The following PRDM16 variants were observed in gnomAD, a reference collection of about 807,000 sequenced individuals.
PRDM16 encodes the protein histone-lysine N-methyltransferase PRDM16.
A neutral mutation model predicts 110.6 loss-of-function variants in PRDM16; 23 were observed. The observed-to-expected ratio is 0.21, with a 90% CI of 0.15 to 0.29. The LOEUF is 0.29. Ranked by LOEUF, PRDM16 falls within the 10% of genes least tolerant of loss-of-function variation. The pLI is 1.00. For synonymous variants in PRDM16, 799 were observed against 781.8 expected (o/e 1.02, Z -0.37); for missense variants, 1,615 against 1,794.3 (o/e 0.90, Z 1.81).
chr1:3,331,652 T>G (rs1359409839), intron 3 of PRDM16, among the ~76,000 whole-genome samples: 1 of 152,176 alleles, frequency 6.6e-6, no homozygotes, highest in Non-Finnish European at 1.5e-5. Flanking sequence ...GGAATCCTGG[T>G]GCCCAGGGCC....
chr1:3,228,032 C>A (rs558390062), intron 2 of PRDM16, among the ~76,000 whole-genome samples: 2 of 152,358 alleles, frequency 1.3e-5, no homozygotes, highest in African/African-American at 4.8e-5. Context: ...TTGTTCCGCT[C>A]CGGGAAAGCG....
At chr1:3,298,602 G>A (rs1456065040) in intron 3 of PRDM16, among the ~76,000 whole-genome samples, 1 of 152,190 alleles carries the variant, frequency 6.6e-6, no homozygotes, top group African/African-American at 2.4e-5. Flanking sequence ...TGGTTGTGTG[G>A]TTCCCAATTC....
intron 4 of PRDM16, among the ~76,000 whole-genome samples, chr1:3,393,095 T>C (rs546626712): frequency 1.1e-4 from 17 of 152,322 alleles, no homozygotes; most frequent in East Asian, 5.8e-4. Flanking sequence ...AGACATTTAT[T>C]GGCGCTAGTA....
chr1:3,169,370 AT>A (rs1348863750), intron 1 of PRDM16, among the ~76,000 whole-genome samples: 3 of 152,104 alleles, frequency 2.0e-5, no homozygotes, highest in Non-Finnish European at 2.9e-5. Flanking sequence ...TACGGTTGCC[AT>A]GGGAGCCCCG....
At position 3,407,243 on chromosome 1, in the gene PRDM16, G is replaced by A. The variant is rs949343860; in HGVS notation, c.1186+1595G>A. On this transcript the variant is annotated intron_variant, in intron 8 of 16. Coordinates refer to ENST00000270722, the MANE Select transcript of PRDM16 (RefSeq NM_022114.4). ...CCCTGTCAGCACCTGGGCTGTGCCCGTCCCACCCACCTCCCAAGCCCCAGC... is the reference window on the plus strand; with the variant it reads ...CCCTGTCAGCACCTGGGCTGTGCCCATCCCACCCACCTCCCAAGCCCCAGC... Among the ~76,000 whole-genome samples, 4 of 152,170 alleles carry A rather than the reference G, an allele frequency of 2.6e-5. No homozygotes were observed. The East Asian group carries it at 7.7e-4, about 29-fold the overall frequency.
intron 1 of PRDM16, among the ~76,000 whole-genome samples, chr1:3,086,751 C>T (rs1324922780): frequency 2.0e-5 from 3 of 152,284 alleles, no homozygotes; most frequent in East Asian, 3.9e-4. Context: ...TTCTTGGCGT[C>T]GTCTGCCGGG....
rs1375108274 is a variant in PRDM16, at chr1:3,359,439, G to A, written c.439-25713G>A. Among the ~76,000 whole-genome samples the A allele has an allele frequency of 6.6e-6, 1 of 151,998 alleles. No homozygotes were observed. The highest frequency in any genetic ancestry group is 2.4e-5 in the African/African-American group (1 of 41,390). ...ATGGAACACATTGGAAGCCCTTGTC[G>A]GGTGCCACCTTCTAAGTAAACACAC... On this transcript the variant is annotated intron_variant, in intron 3 of 16. Transcript: ENST00000270722. The surrounding 1 kb of genome is among the most constrained non-coding windows in gnomAD (Gnocchi z 4.3).
At chr1:3,415,260 G>A (rs1643759535) in intron 10 of PRDM16, among the ~76,000 whole-genome samples, 1 of 152,232 alleles carries the variant, frequency 6.6e-6, no homozygotes, top group Non-Finnish European at 1.5e-5. Flanking sequence ...GCATGGCCAG[G>A]GCAGAGTCTT....
At chr1:3,205,869 G>A (rs1283411253) in intron 2 of PRDM16, 1 of 152,204 alleles carries the variant, frequency 6.6e-6, no homozygotes, top group Non-Finnish European at 1.5e-5. Flanking sequence ...TGAAGCCGGT[G>A]CAGCGGCATG....
At position 3,201,206 on chromosome 1, in the gene PRDM16, C is replaced by T. The variant is rs1365095966; in HGVS notation, c.387+14732C>T. On this transcript the variant is annotated intron_variant, in intron 2 of 16. Transcript: ENST00000270722. This position sits in a 1 kb window ranked among gnomAD's most constrained non-coding sequence, Gnocchi z 4.1. ...GGTCTGGGCTGCATTTTGATAAAAG[C>T]CTTCAAACTCCATTCATATGATCAT... is the stretch of plus-strand genomic sequence containing the variant. Among the ~76,000 whole-genome samples, 1 of 152,156 alleles carries T rather than the reference C, an allele frequency of 6.6e-6. No homozygotes were observed. Among genetic ancestry groups the T allele is most frequent in the Non-Finnish European group, 1.5e-5 (1 of 68,024 alleles).
At chr1:3,115,978 G>GGACTCCCAGGCGGC (rs1553127705) in intron 1 of PRDM16, among the ~76,000 whole-genome samples, 1 of 152,092 alleles carries the variant, frequency 6.6e-6, no homozygotes, top group African/African-American at 2.4e-5. Flanking sequence ...CCTCCCGGGA[G>GGACTCCCAGGCGGC]GACTCCCAGG....
chr1:3,138,268 A>G (rs140222507), intron 1 of PRDM16, among the ~76,000 whole-genome samples: 3 of 152,320 alleles, frequency 2.0e-5, no homozygotes, highest in South Asian at 2.1e-4. Flanking sequence ...ATCTTCTTCA[A>G]GTTCAACAAT....
intron 3 of PRDM16, among the ~76,000 whole-genome samples, chr1:3,303,386 A>G (rs6670328): frequency 0.31 from 46,608 of 151,990 alleles, 9,233 homozygotes; most frequent in African/African-American, 0.57. Flanking sequence ...GCCACGGTGA[A>G]CACGCGTCAG....
intron 1 of PRDM16, among the ~76,000 whole-genome samples, chr1:3,082,221 G>A (rs1642046333): frequency 6.6e-6 from 1 of 152,314 alleles, no homozygotes; most frequent in South Asian, 2.1e-4. Flanking sequence ...GCCCTCTGCA[G>A]TCAGGTCCTG....
intron 3 of PRDM16, among the ~76,000 whole-genome samples, chr1:3,366,257 C>T (rs770193677): frequency 3.9e-5 from 6 of 152,250 alleles, no homozygotes; most frequent in Non-Finnish European, 7.3e-5. Flanking sequence ...GGCGGCCGCT[C>T]GCAGACTAGA....
At position 3,322,665 on chromosome 1, in the gene PRDM16, G is replaced by A. The variant is rs74519921; in HGVS notation, c.439-62487G>A. On this transcript the variant is annotated intron_variant, in intron 3 of 16. Coordinates refer to ENST00000270722, the MANE Select transcript of PRDM16 (RefSeq NM_022114.4). ...CAGCCTCCAGTCCACAGGCCATGCT[G>A]GGGTCCTTAGAGCTGCTTCTCCCCC... Among the ~76,000 whole-genome samples, 865 of 152,296 alleles carry A rather than the reference G, an allele frequency of 5.7e-3. 9 individuals carry two copies. Among genetic ancestry groups the A allele is most frequent in the African/African-American group, 0.019 (805 of 41,560 alleles).
At chr1:3,257,078 C>T (rs570114217) in intron 3 of PRDM16, among the ~76,000 whole-genome samples, 25 of 152,098 alleles carry the variant, frequency 1.6e-4, no homozygotes, top group Non-Finnish European at 2.9e-4. Context: ...AAGTGACGCA[C>T]GTAGGGCTGT....
chr1:3,385,241 C>T lies in PRDM16; in HGVS notation c.528C>T (p.Cys176=). ...GSWLKYIRVA[C]SCDDQNLTMC... is the part of the protein sequence containing the mutation. ...GGCTCAAGTACATCCGTGTGGCGTG[C>T]TCCTGCGATGACCAGAACCTCACCA... The change falls in exon 4 of 17, where the codon TGC becomes TGT. Residue 176 remains cysteine, a synonymous_variant. Transcript: ENST00000270722. 3 of 1,613,720 alleles carry T rather than the reference C, an allele frequency of 1.9e-6. No individual in the cohort carries two copies. The highest frequency in any genetic ancestry group is 2.5e-6 in the Non-Finnish European group (3 of 1,179,994).
At chr1:3,316,924 A>G (rs547666694) in intron 3 of PRDM16, among the ~76,000 whole-genome samples, 90 of 152,310 alleles carry the variant, frequency 5.9e-4, no homozygotes, top group African/African-American at 2.1e-3. Flanking sequence ...GCTAAGAAGC[A>G]TTGACAGGAG....
Sources: allele counts gnomAD v4.1 joint callset (sites outside exome capture counted in the v4.1 genomes callset), GRCh38; gene constraint gnomAD v4.1.1; non-coding constraint Gnocchi (gnomAD v3.1); transcripts MANE v1.5; gene names NCBI Gene and HGNC (gene_info 2026-07-23, HGNC 2026-07-21).